PRH1: variants seen among roughly 807,000 people sequenced by gnomAD.
PRH1 encodes the protein proline rich protein HaeIII subfamily 1.
A neutral mutation model predicts 7.9 loss-of-function variants in PRH1; 7 were observed. That is an observed-to-expected ratio of 0.89 (90% CI 0.50 to 1.67). PRH1 has a LOEUF of 1.67. PRH1 is among the 40% of genes most tolerant of loss of function. The pLI is 0.00. For synonymous variants in PRH1, 45 were observed against 80.8 expected (o/e 0.56, Z 2.38); for missense variants, 109 against 223.6 (o/e 0.49, Z 3.27).
chr12:11,063,947 A>T (rs960099202), intron 1 of PRH1, among the ~76,000 whole-genome samples: 2 of 152,124 alleles, frequency 1.3e-5, no homozygotes, highest in African/African-American at 4.8e-5. Flanking sequence ...TCTATGAGAC[A>T]TATCTCCTAA....
chr12:10,978,381 G>A (rs1444756583), intron 1 of PRH1, among the ~76,000 whole-genome samples: 1 of 152,024 alleles, frequency 6.6e-6, no homozygotes, highest in East Asian at 1.9e-4. Flanking sequence ...GATTCAAACT[G>A]GATACTTTCC....
chr12:10,936,615 T>C (rs1950292979), intron 2 of PRH1, among the ~76,000 whole-genome samples: 1 of 152,316 alleles, frequency 6.6e-6, no homozygotes, highest in South Asian at 2.1e-4. Flanking sequence ...CAGGCAACCA[T>C]GGATCTGCTT....
intron 2 of PRH1, chr12:10,938,982 A>G: frequency 6.2e-7 from 1 of 1,613,436 alleles, no homozygotes; most frequent in Non-Finnish European, 8.5e-7. Flanking sequence ...TCAGTGGCAA[A>G]TAAAGCTGGG....
intron 1 of PRH1, among the ~76,000 whole-genome samples, chr12:11,008,617 A>G (rs187722733): frequency 1.3e-5 from 2 of 152,280 alleles, no homozygotes; most frequent in Admixed American, 1.3e-4. Context: ...TGAACTGTGT[A>G]TAGGTGCAAT....
chr12:11,145,227 CA>C (rs1193529580), intron 1 of PRH1, among the ~76,000 whole-genome samples: 1 of 152,112 alleles, frequency 6.6e-6, no homozygotes, highest in Non-Finnish European at 1.5e-5. Context: ...AGTCTCGCCC[CA>C]TTGCCCAGGT....
chr12:10,976,787 C>T (rs1939121772), intron 1 of PRH1, among the ~76,000 whole-genome samples: 3 of 152,108 alleles, frequency 2.0e-5, no homozygotes, highest in East Asian at 1.9e-4. Flanking sequence ...ACTATCAACA[C>T]CTCTATGCAT....
At chr12:10,909,894 A>G (rs1301016805) in intron 2 of PRH1, among the ~76,000 whole-genome samples, 1 of 152,200 alleles carries the variant, frequency 6.6e-6, no homozygotes. Flanking sequence ...ACTCGTTTAC[A>G]AAGCATCCAT....
At chr12:10,929,815 T>C (rs1950177438) in intron 2 of PRH1, among the ~76,000 whole-genome samples, 1 of 152,156 alleles carries the variant, frequency 6.6e-6, no homozygotes. Flanking sequence ...CAGAGTGAAA[T>C]ATTGTCATTT....
upstream of PRH1, among the ~76,000 whole-genome samples, chr12:11,051,616 C>T (rs369760400): frequency 1.2e-4 from 16 of 134,934 alleles, no homozygotes; most frequent in African/African-American, 2.9e-4. Flanking sequence ...TCCTGTAATA[C>T]GCAACGTCCA....
At chr12:11,066,034 T>C (rs1206535875) in intron 1 of PRH1, among the ~76,000 whole-genome samples, 1 of 152,200 alleles carries the variant, frequency 6.6e-6, no homozygotes, top group Admixed American at 6.5e-5. Flanking sequence ...TACTCTGTTT[T>C]TATTAGCAGA....
upstream of PRH1, among the ~76,000 whole-genome samples, chr12:10,885,294 A>C (rs933227235): frequency 3.3e-5 from 5 of 152,134 alleles, no homozygotes; most frequent in African/African-American, 1.2e-4. Context: ...TTTTATCTGT[A>C]ATATTCCAAT....
intron 2 of PRH1, chr12:10,930,662 A>G: frequency 6.2e-7 from 1 of 1,613,836 alleles, no homozygotes; most frequent in Non-Finnish European, 8.5e-7. Context: ...ACTCACACAG[A>G]TGGAGGAGAC....
chr12:11,161,197 G>A (rs1453523768), intron 1 of PRH1, among the ~76,000 whole-genome samples: 1 of 152,206 alleles, frequency 6.6e-6, no homozygotes, highest in East Asian at 1.9e-4. Flanking sequence ...AGGTCACCAA[G>A]TGATCAGCCT....
At chr12:11,086,122 A>G (rs1944683460) in intron 1 of PRH1, among the ~76,000 whole-genome samples, 1 of 39,790 alleles carries the variant, frequency 2.5e-5, no homozygotes, top group Non-Finnish European at 7.4e-5. Flanking sequence ...CCACACACAC[A>G]CCCCTCATGG....
intron 1 of PRH1, among the ~76,000 whole-genome samples, chr12:10,976,679 T>C (rs1939114174): frequency 6.8e-6 from 1 of 148,110 alleles, no homozygotes; most frequent in Non-Finnish European, 1.5e-5. Context: ...GCCACAATGA[T>C]AAAGAAAAAA....
intron 2 of PRH1, chr12:10,895,407 G>A (rs549217498): frequency 3.3e-5 from 5 of 152,148 alleles, no homozygotes; most frequent in African/African-American, 4.8e-5. Flanking sequence ...ATTGTTACCC[G>A]TTCTTAGATT....
chr12:11,051,775 A>G (rs1171730104), upstream of PRH1, among the ~76,000 whole-genome samples: 2 of 152,194 alleles, frequency 1.3e-5, no homozygotes, highest in African/African-American at 4.8e-5. Flanking sequence ...TGTGCTCAAC[A>G]TTATGGATCT....
chr12:10,906,408 A>G (rs1309964752), intron 2 of PRH1, among the ~76,000 whole-genome samples: 1 of 152,234 alleles, frequency 6.6e-6, no homozygotes, highest in Admixed American at 6.5e-5. Flanking sequence ...TTTGAAAGAC[A>G]CTGTAAAGAA....
At chr12:11,026,121 G>A (rs1941899718) in intron 1 of PRH1, among the ~76,000 whole-genome samples, 1 of 152,162 alleles carries the variant, frequency 6.6e-6, no homozygotes, top group Non-Finnish European at 1.5e-5. Flanking sequence ...CTGCAGCCTG[G>A]AACTCCTGCG....
Sources: allele counts gnomAD v4.1 joint callset (sites outside exome capture counted in the v4.1 genomes callset), GRCh38; gene constraint gnomAD v4.1.1; transcripts MANE v1.5; gene names NCBI Gene and HGNC (gene_info 2026-07-23, HGNC 2026-07-21).